The following NDUFA3 variants were observed in gnomAD, a reference collection of about 807,000 sequenced individuals.
NDUFA3 encodes the protein NADH:ubiquinone oxidoreductase subunit A3.
In NDUFA3, 10 loss-of-function variants were observed where a neutral mutation model predicts 11.4. The ratio of observed to expected loss-of-function variants is 0.87; its 90% CI spans 0.54 to 1.48. NDUFA3 has a LOEUF of 1.48. Among genes scored for constraint, NDUFA3 ranks in the 40% most tolerant of loss-of-function variants. The pLI, the probability that NDUFA3 is intolerant of heterozygous loss-of-function variation, is 0.00. For synonymous variants in NDUFA3, 39 were observed against 46.9 expected (o/e 0.83, Z 0.68); for missense variants, 115 against 110.5 (o/e 1.04, Z -0.18).
At position 54,107,060 on chromosome 19, in the gene NDUFA3, G is replaced by C. The variant is rs34939501; in HGVS notation, c.*158G>C. ...TTTATTGGGCATGCGTCAGTCAGAG[G>C]CTGGGCTGGCCAGGGTCGGGTAGGG... On this transcript the variant is annotated 3_prime_UTR_variant, in exon 4 of 4. Coordinates refer to ENST00000485876, the MANE Select transcript of NDUFA3 (RefSeq NM_004542.4). 0.016 allele frequency: 25,023 copies of C among 1,613,712 alleles called. 308 individuals are homozygous for C. Among genetic ancestry groups the C allele is most frequent in the Non-Finnish European group, 0.017 (19,844 of 1,179,926 alleles).
Position 54,105,980 on chromosome 19 carries a change from G to A in NDUFA3, c.132G>A (p.Met44Ile). The A allele has an allele frequency of 6.2e-7, 1 of 1,613,908 alleles. No individual in the cohort carries two copies. Among genetic ancestry groups the A allele is most frequent in the South Asian group, 1.1e-5 (1 of 91,076 alleles). Residue 44 changes from methionine (M) to isoleucine (I), a missense_variant, in exon 3 of 4, where the codon ATG (methionine) becomes ATA (isoleucine). Transcript: ENST00000485876. The stretch of plus-strand genomic sequence containing the variant: ...GCCCCTACTTCAAGTACTCCGTCAT[G>A]ATCAACAAGGCCACGCCCTACAACT... ...PLSPYFKYSVMINKATPYNYP... is the reference protein window; with the variant it reads ...PLSPYFKYSVIINKATPYNYP...
At chr19:54,103,793 C>T (rs1032560282) in intron 2 of NDUFA3, among the ~76,000 whole-genome samples, 2 of 152,102 alleles carry the variant, frequency 1.3e-5, no homozygotes, top group Admixed American at 6.6e-5. Flanking sequence ...ATTCTCCTGC[C>T]TCAGCCTCCC....
chr19:54,106,950 T>C lies in NDUFA3; in HGVS notation c.*48T>C. ...CCCCTCCCACGGCTCCCAATAAAAATGTGAAAACCAACCCCCGAACGTGAG... is the reference window on the plus strand; with the variant it reads ...CCCCTCCCACGGCTCCCAATAAAAACGTGAAAACCAACCCCCGAACGTGAG... On this transcript the variant is annotated 3_prime_UTR_variant, in exon 4 of 4. Coordinates refer to ENST00000485876, the MANE Select transcript of NDUFA3 (RefSeq NM_004542.4). The C allele has an allele frequency of 6.2e-7, 1 of 1,600,466 alleles. No homozygotes were observed. The highest frequency in any genetic ancestry group is 1.1e-5 in the South Asian group (1 of 90,322).
chr19:54,103,207 C>A lies in NDUFA3; in HGVS notation c.85+19C>A, dbSNP rs1489399373. 2 of 1,578,650 alleles carry A rather than the reference C, an allele frequency of 1.3e-6. No homozygotes were observed. Among genetic ancestry groups the A allele is most frequent in the Non-Finnish European group, 1.7e-6 (2 of 1,158,746 alleles). On this transcript the variant is annotated intron_variant, in intron 2 of 3. Coordinates refer to ENST00000485876, the MANE Select transcript of NDUFA3 (RefSeq NM_004542.4). The stretch of plus-strand genomic sequence containing the variant: ...GGCCTCGGTGCGTGAGTGCTCCAGG[C>A]GCAAACTTGCATCGTCCACCCCCGT...
At position 54,107,544 on chromosome 19, in the gene NDUFA3, T is replaced by TTTTAATGATAC; in HGVS notation, c.*642_*643insTTTAATGATAC. On this transcript the variant is annotated 3_prime_UTR_variant, in exon 4 of 4. Transcript: ENST00000485876. The stretch of plus-strand genomic sequence containing the variant: ...GATTACAGGCATGAGCCACTGCACC[T>TTTTAATGATAC]GGCCAGCCTCACAGTTCTTGTCTGC... 3.4e-6 allele frequency: 1 copy of TTTTAATGATAC among 297,488 alleles called. No individual in the cohort carries two copies. The highest frequency in any genetic ancestry group is 6.3e-6 in the Non-Finnish European group (1 of 159,162). The allele number at this position is 297,488 out of a possible 1,614,324, so 18.4% of individuals were successfully genotyped here.
intron 3 of NDUFA3, chr19:54,106,391 G>A (rs1249811937): frequency 6.0e-6 from 2 of 335,088 alleles, no homozygotes; most frequent in East Asian, 7.1e-5. Flanking sequence ...GGATTGTCTC[G>A]ATCTCCTGAC....
In NDUFA3 at chr19:54,107,362, C is replaced by G. The variant is rs1408658884; in HGVS notation, c.*460C>G. On this transcript the variant is annotated 3_prime_UTR_variant, in exon 4 of 4. Transcript: ENST00000485876. ...CTCCCAGGCTCAAGTGATCCTCCCA[C>G]CTCAGCTTCCCAAGTAGCTGGGACT... The G allele has an allele frequency of 4.4e-6, 3 of 685,368 alleles. No individual in the cohort carries two copies. The highest frequency in any genetic ancestry group is 3.6e-5 in the African/African-American group (2 of 55,168). The allele number at this position is 685,368 out of a possible 1,614,324, so 42.5% of individuals were successfully genotyped here. A position where few individuals can be genotyped will look rare whatever the true frequency, so the allele number is the denominator to read the frequency against.
Position 54,107,100 on chromosome 19 carries a change from G to A in NDUFA3, c.*198G>A. 6.2e-7 allele frequency: 1 copy of A among 1,613,756 alleles called. No homozygotes were observed. Among genetic ancestry groups the A allele is most frequent in the Non-Finnish European group, 8.5e-7 (1 of 1,179,954 alleles). On this transcript the variant is annotated 3_prime_UTR_variant, in exon 4 of 4. Coordinates refer to ENST00000485876, the MANE Select transcript of NDUFA3 (RefSeq NM_004542.4). ...GTCGGGTAGGGCAGCAGTTTGTCTG[G>A]ACCCCGAGAAACCCAACTGGAATCC...
At position 54,105,013 on chromosome 19, in the gene NDUFA3, T is replaced by C. The variant is rs587775223; in HGVS notation, c.86-921T>C. ...TCAGCCTCCTAAAGTCCTGGGATTA[T>C]AGGCATGAGCCACCTCGCCCATCCA... On this transcript the variant is annotated intron_variant, in intron 2 of 3. Transcript: ENST00000485876. Among the ~76,000 whole-genome samples, 28 of 152,190 alleles carry C rather than the reference T, an allele frequency of 1.8e-4. No individual in the cohort carries two copies. The East Asian group carries it at 5.0e-3, about 27-fold the overall frequency.
rs1320676707 is a variant in NDUFA3, at chr19:54,107,208, A to G, written c.*306A>G. 6 of 1,584,676 alleles carry G rather than the reference A, an allele frequency of 3.8e-6. No individual in the cohort carries two copies. The highest frequency in any genetic ancestry group is 5.1e-6 in the Non-Finnish European group (6 of 1,167,408). ...GGAACAAGGTGTTAACAGGCCTGGG[A>G]ATCTAGAAAATCCCATCAGCTTCAC... On this transcript the variant is annotated 3_prime_UTR_variant, in exon 4 of 4. Transcript: ENST00000485876.
chr19:54,105,165 G>A, intron 2 of NDUFA3, among the ~76,000 whole-genome samples: 1 of 150,834 alleles, frequency 6.6e-6, no homozygotes, highest in Non-Finnish European at 1.5e-5. Flanking sequence ...TTCCTTTTAT[G>A]AACTGTACCC....
intron 3 of NDUFA3, 117 bp downstream of exon 3, chr19:54,106,128 G>A (rs587598538): frequency 9.7e-5 from 87 of 894,660 alleles, no homozygotes; most frequent in African/African-American, 6.7e-4. Flanking sequence ...AGTGGTGCCC[G>A]GACCCCCCGT....
Position 54,107,201 on chromosome 19 carries a change from GC to G in NDUFA3, c.*301del. The G allele has an allele frequency of 6.3e-7, 1 of 1,582,840 alleles. No homozygotes were observed. The highest frequency in any genetic ancestry group is 1.4e-5 in the African/African-American group (1 of 72,880). Reference sequence around the variant, plus strand: ...GAGATAAGGAACAAGGTGTTAACAGGCCTGGGAATCTAGAAAATCCCATCAG... The same window carrying G: ...GAGATAAGGAACAAGGTGTTAACAGGCTGGGAATCTAGAAAATCCCATCAG... On this transcript the variant is annotated 3_prime_UTR_variant, in exon 4 of 4. Transcript: ENST00000485876.
chr19:54,106,708 CT>C, intron 3 of NDUFA3, 102 bp from the exon 4 acceptor site: 1 of 965,706 alleles, frequency 1.0e-6, no homozygotes, highest in Non-Finnish European at 1.5e-6. Context: ...CCTCTCACCC[CT>C]GGGGTCCCCC....
At chr19:54,104,840 G>A (rs2073207579) in intron 2 of NDUFA3, among the ~76,000 whole-genome samples, 2 of 152,056 alleles carry the variant, frequency 1.3e-5, no homozygotes, top group Admixed American at 1.3e-4. Flanking sequence ...CCGGGTTCAA[G>A]CGATTCTCCT....
chr19:54,103,114 G>A lies in NDUFA3; in HGVS notation c.11G>A (p.Arg4Lys), dbSNP rs773558982. The change falls in exon 2 of 4, where the codon AGA (arginine) becomes AAA (lysine). Residue 4 changes from arginine to lysine, a missense_variant and splice_region_variant. Coordinates refer to ENST00000485876, the MANE Select transcript of NDUFA3 (RefSeq NM_004542.4). Reference sequence around the variant, plus strand: ...GTGACGCTTCTTGCCACCCCTTCAGGAGTCGGCGCCTTCCTCAAGAATGCC... The same window carrying A: ...GTGACGCTTCTTGCCACCCCTTCAGAAGTCGGCGCCTTCCTCAAGAATGCC... Reference protein sequence around the residue: MAARVGAFLKNAWD... With the variant: MAAKVGAFLKNAWD... The A allele has an allele frequency of 3.1e-6, 5 of 1,612,280 alleles. No individual in the cohort carries two copies. The South Asian group carries it at 3.3e-5, about 11-fold the overall frequency.
chr19:54,104,424 C>T (rs747598977), intron 2 of NDUFA3, among the ~76,000 whole-genome samples: 22 of 152,122 alleles, frequency 1.4e-4, no homozygotes, highest in Admixed American at 3.3e-4. Flanking sequence ...CCACTGCGCC[C>T]GGCCAAACTG....
At position 54,103,188 on chromosome 19, in the gene NDUFA3, G is replaced by A. The variant is rs778841121; in HGVS notation, c.85G>A (p.Ala29Thr). 2.5e-6 allele frequency: 4 copies of A among 1,591,708 alleles called. No individual in the cohort carries two copies. The South Asian group carries it at 4.5e-5, about 18-fold the overall frequency. The change falls in exon 2 of 4, where the codon GCT becomes ACT. Residue 29 changes from alanine to threonine, a missense_variant and splice_region_variant. Transcript: ENST00000485876. ...LVVSFVVGGL[A>T]VILPPLSPYF... is the part of the protein sequence containing the mutation. Reference sequence around the variant, plus strand: ...CGTGTCCTTCGTCGTCGGGGGCCTCGGTGCGTGAGTGCTCCAGGCGCAAAC... The same window carrying A: ...CGTGTCCTTCGTCGTCGGGGGCCTCAGTGCGTGAGTGCTCCAGGCGCAAAC...
Position 54,107,017 on chromosome 19 carries a change from G to A in NDUFA3, c.*115G>A, listed in dbSNP as rs1357500085. ...GGTGGGAACAAGTAGACGGTGGCCGGGGTGAGTGTGGGGTCAGTTTATTGG... is the reference window on the plus strand; with the variant it reads ...GGTGGGAACAAGTAGACGGTGGCCGAGGTGAGTGTGGGGTCAGTTTATTGG... On this transcript the variant is annotated 3_prime_UTR_variant, in exon 4 of 4. Coordinates refer to ENST00000485876, the MANE Select transcript of NDUFA3 (RefSeq NM_004542.4). 1 of 1,608,652 alleles carries A rather than the reference G, an allele frequency of 6.2e-7. No individual in the cohort carries two copies. Among genetic ancestry groups the A allele is most frequent in the Non-Finnish European group, 8.5e-7 (1 of 1,176,808 alleles).
Sources: allele counts gnomAD v4.1 joint callset (sites outside exome capture counted in the v4.1 genomes callset), GRCh38; gene constraint gnomAD v4.1.1; transcripts MANE v1.5; gene names NCBI Gene and HGNC (gene_info 2026-07-23, HGNC 2026-07-21).